The following TTN variants were observed in gnomAD, a reference collection of about 807,000 sequenced individuals.
The protein encoded by TTN is connectin.
A neutral mutation model predicts 3,223.0 loss-of-function variants in TTN; 1,525 were observed. That is an observed-to-expected ratio of 0.47 (90% CI 0.45 to 0.49). TTN has a LOEUF of 0.49. Ranked by LOEUF, TTN falls within the 20% of genes least tolerant of loss-of-function variation. TTN has a pLI of 0.00. For missense variants in TTN, 40,786 were observed against 43,424.0 expected, an observed-to-expected ratio of 0.94 and a Z score of 5.40; for synonymous variants, 14,094 against 15,161.0, an observed-to-expected ratio of 0.93 and a Z score of 5.17.
In TTN at chr2:178,526,742, C is replaced by T. The variant is rs1237811122; in HGVS notation, c.*270G>A. The T allele has an allele frequency of 1.1e-5, 3 of 277,282 alleles. No homozygotes were observed. The highest frequency in any genetic ancestry group is 4.4e-5 in the African/African-American group (2 of 45,762). The allele number at this position is 277,282 out of a possible 1,614,324, so 17.2% of individuals were successfully genotyped here. On this transcript the variant is annotated 3_prime_UTR_variant, in exon 363 of 363. Transcript: ENST00000589042. ...TACCAACAGTTAGTTTCAAAACTTA[C>T]ATTGTAAAATGTCATAAAATAAATG...
Position 178,605,031 on chromosome 2 carries a change from T to C in TTN, c.54146A>G (p.Asn18049Ser), listed in dbSNP as rs562393563. ...ATTTCGGAACACTGAGCCAAGGCGA[T>C]TGGAAGCAGTAACTGTGTAAGTGCC... ...DKGTYTVTAS[N>S]RLGSVFRNVH... The change falls in exon 280 of 363, where the codon AAT (asparagine) becomes AGT (serine). Residue 18049 changes from asparagine to serine, a missense_variant. By Grantham distance (46) the Asn-to-Ser change is conservative. Coordinates refer to ENST00000589042, the MANE Select transcript of TTN (RefSeq NM_001267550.2). 8.7e-6 allele frequency: 14 copies of C among 1,607,538 alleles called. No individual in the cohort carries two copies. The highest frequency in any genetic ancestry group is 3.3e-5 in the South Asian group (3 of 90,486).
At chr2:178,694,717 AT>A in intron 116 of TTN, 41 bp from the exon 117 acceptor site, 1 of 1,518,258 alleles carries the variant, frequency 6.6e-7, no homozygotes, top group Admixed American at 2.0e-5. Context: ...TTTGAAGAAT[AT>A]TGCTTTGCAC....
intron 120 of TTN, 33 bp from the exon 121 acceptor site, chr2:178,692,132 A>C: frequency 6.3e-7 from 1 of 1,580,598 alleles, no homozygotes; most frequent in Non-Finnish European, 8.7e-7. Flanking sequence ...ATAATGTGGA[A>C]TATTCTAGTC....
chr2:178,611,985 T>TGC, intron 267 of TTN, 31 bp from the exon 268 acceptor site: 1 of 1,603,980 alleles, frequency 6.2e-7, no homozygotes, highest in Non-Finnish European at 8.5e-7. Context: ...TTCATTAGCA[T>TGC]TAATGAAAAA....
rs2154230629 is a variant in TTN at position 178,636,199 on chromosome 2, G to A, written c.41372C>T (p.Thr13791Ile). 6.2e-7 allele frequency: 1 copy of A among 1,603,880 alleles called. No homozygotes were observed. The highest frequency in any genetic ancestry group is 1.7e-5 in the Admixed American group (1 of 59,206). ...RFVKTLEEEV[T>I]VVKGQPLYLS... ...GTACAATGGCTGTCCTTTGACCACTGTGACTTCCTCTTCCAGTGTTTTTAC... is the reference window on the plus strand; with the variant it reads ...GTACAATGGCTGTCCTTTGACCACTATGACTTCCTCTTCCAGTGTTTTTAC... The change falls in exon 226 of 363, where the codon ACA (threonine) becomes ATA (isoleucine). Residue 13791 changes from threonine to isoleucine, a missense_variant. Transcript: ENST00000589042. The surrounding 1 kb of genome is among the most constrained non-coding windows in gnomAD (Gnocchi z 4.3).
chr2:178,536,607 G>A, intron 356 of TTN, 32 bp from the exon 357 acceptor site: 1 of 1,457,066 alleles, frequency 6.9e-7, no homozygotes, highest in Non-Finnish European at 9.1e-7. Flanking sequence ...TGAGTCATGA[G>A]ATGAAACAGG....
intron 289 of TTN, 24 bp from the exon 290 acceptor site, chr2:178,599,469 C>G (rs772422270): frequency 2.0e-6 from 3 of 1,515,078 alleles, no homozygotes; most frequent in Non-Finnish European, 2.6e-6. Context: ...AAGAAGGAAC[C>G]CTTTATCACT....
At chr2:178,747,824 C>T (rs2084103022) in intron 47 of TTN, 2 of 1,612,826 alleles carry the variant, frequency 1.2e-6, no homozygotes, top group Non-Finnish European at 8.5e-7. Context: ...TTCTTCATAA[C>T]ATTTTTCTTC....
intron 60 of TTN, 45 bp downstream of exon 60, chr2:178,730,877 AAGG>A: frequency 6.5e-7 from 1 of 1,538,072 alleles, no homozygotes; most frequent in East Asian, 2.3e-5. Flanking sequence ...TTAAGGGAAG[AAGG>A]AGCATGGAAA....
At position 178,726,674 on chromosome 2, in the gene TTN, G is replaced by A. The variant is rs1226430425; in HGVS notation, c.20275+416C>T. 3 of 155,206 alleles carry A rather than the reference G, an allele frequency of 1.9e-5. 1 individual carries two copies. The East Asian group carries it at 5.7e-4, about 30-fold the overall frequency. 9.6% of individuals were successfully genotyped at this position (155,206 alleles called of 1,614,324 possible). On this transcript the variant is annotated intron_variant, in intron 69 of 362. Coordinates refer to ENST00000589042, the MANE Select transcript of TTN (RefSeq NM_001267550.2). Reference sequence around the variant, plus strand: ...TATTATTGTCCTGTTTTAAACATAAGTTTAAAACCTGTATTGCTTTCACTT... The same window carrying A: ...TATTATTGTCCTGTTTTAAACATAAATTTAAAACCTGTATTGCTTTCACTT...
In TTN at chr2:178,649,419, C is replaced by T. The variant is rs1017705282; in HGVS notation, c.39974-88G>A. On this transcript the variant is annotated intron_variant, in intron 212 of 362. Coordinates refer to ENST00000589042, the MANE Select transcript of TTN (RefSeq NM_001267550.2). ...AAAAAACCTGTATTTATTGGAGCAG[C>T]ATTAAAATTAATGAAAGCAAAATAA... The T allele has an allele frequency of 5.2e-6, 7 of 1,339,696 alleles. No individual in the cohort carries two copies. In the African/African-American group the frequency reaches 5.9e-5, roughly 11 times the overall value. The allele number at this position is 1,339,696 out of a possible 1,614,324, so 83.0% of individuals were successfully genotyped here. A position where few individuals can be genotyped will look rare whatever the true frequency, so the allele number is the denominator to read the frequency against.
At position 178,542,093 on chromosome 2, in the gene TTN, A is replaced by G. The variant is rs1276842102; in HGVS notation, c.97492+171T>C. 8.4e-6 allele frequency: 5 copies of G among 594,834 alleles called. No homozygotes were observed. In the East Asian group the frequency reaches 1.2e-4, roughly 14 times the overall value. 36.8% of individuals were successfully genotyped at this position (594,834 alleles called of 1,614,324 possible). On this transcript the variant is annotated intron_variant, in intron 349 of 362. Transcript: ENST00000589042. ...CCTAAGTGTGTTGAAAACCTCTGAG[A>G]AAAGGAGGTTTAGAAACCTGAGAAA...
chr2:178,684,217 A>C (rs2070206453), intron 132 of TTN, 113 bp downstream of exon 132: 1 of 1,382,272 alleles, frequency 7.2e-7, no homozygotes, highest in Non-Finnish European at 1.0e-6. Context: ...CTGTAACAAC[A>C]ACAACAACAT....
chr2:178,638,535 T>C (rs1250093967), intron 223 of TTN, among the ~76,000 whole-genome samples: 1 of 151,294 alleles, frequency 6.6e-6, no homozygotes, highest in Non-Finnish European at 1.5e-5. Flanking sequence ...CATCTCACTG[T>C]GGAATGTAAC....
chr2:178,769,531 T>C, intron 37 of TTN, 148 bp downstream of exon 37: 1 of 536,716 alleles, frequency 1.9e-6, no homozygotes, highest in Non-Finnish European at 2.8e-6. Flanking sequence ...CCCAAAGTGC[T>C]GGGATTACAG....
At chr2:178,747,335 C>A (rs2083950255) in intron 47 of TTN, 1 of 1,613,182 alleles carries the variant, frequency 6.2e-7, no homozygotes. Context: ...AACTGTCTCA[C>A]CTCCTGAATG....
chr2:178,603,850 G>C (rs755970716), intron 282 of TTN, 26 bp downstream of exon 282: 2 of 1,517,512 alleles, frequency 1.3e-6, no homozygotes, highest in South Asian at 1.4e-5. Flanking sequence ...TTAGAAATTA[G>C]TCCCCAGAAA....
At chr2:178,746,922 C>G in intron 47 of TTN, 1 of 1,613,532 alleles carries the variant, frequency 6.2e-7, no homozygotes, top group Non-Finnish European at 8.5e-7. Context: ...CGCCATATTT[C>G]ATAAGCTGAA....
chr2:178,785,702 T>C lies in TTN; in HGVS notation c.2411A>G (p.His804Arg), dbSNP rs2154351567. 1 of 1,614,208 alleles carries C rather than the reference T, an allele frequency of 6.2e-7. No individual in the cohort carries two copies. The highest frequency in any genetic ancestry group is 2.2e-5 in the East Asian group (1 of 44,886). The change falls in exon 15 of 363, where the codon CAT (histidine) becomes CGT (arginine). Residue 804 changes from histidine to arginine, a missense_variant. Physicochemically the swap from His to Arg is conservative, Grantham distance 29. Coordinates refer to ENST00000589042, the MANE Select transcript of TTN (RefSeq NM_001267550.2). ...TTDLTTERLV[H>R]VDKRPRTASP... Reference sequence around the variant, plus strand: ...AGCTGTGCGGGGGCGTTTATCCACATGGACTAATCTTTCCGTTGTTAGATC... The same window carrying C: ...AGCTGTGCGGGGGCGTTTATCCACACGGACTAATCTTTCCGTTGTTAGATC...
Sources: gnomAD v4.1 joint callset for allele counts (sites outside exome capture counted in the v4.1 genomes callset) on GRCh38, gnomAD v4.1.1 for gene constraint, Gnocchi (gnomAD v3.1) non-coding constraint, MANE v1.5 for transcripts, NCBI Gene and HGNC (gene_info 2026-07-23, HGNC 2026-07-21) for gene names.